The following LARGE1 variants were observed in gnomAD, a reference collection of about 807,000 sequenced individuals.
LARGE1 encodes xylosyl- and glucuronyltransferase LARGE1.
Under a neutral mutation model 87.6 loss-of-function variants are expected in LARGE1, and 43 were observed. The ratio of observed to expected loss-of-function variants is 0.49; its 90% CI spans 0.38 to 0.63. The LOEUF is 0.63. Among genes scored for constraint, LARGE1 ranks in the 30% least tolerant of loss-of-function variants. The pLI, the probability that LARGE1 is intolerant of heterozygous loss-of-function variation, is 0.00. For synonymous variants in LARGE1, 434 were observed against 394.6 expected (o/e 1.10, Z -1.18); for missense variants, 802 against 1,000.2 (o/e 0.80, Z 2.67).
At chr22:33,477,550 G>A (rs550734979) in intron 6 of LARGE1, among the ~76,000 whole-genome samples, 1 of 152,010 alleles carries the variant, frequency 6.6e-6, no homozygotes, top group African/African-American at 2.4e-5. Flanking sequence ...TAGTAAAAGC[G>A]TTCAGAATAC....
intron 7 of LARGE1, among the ~76,000 whole-genome samples, chr22:33,402,435 T>C (rs879669430): frequency 6.6e-6 from 1 of 152,096 alleles, no homozygotes; most frequent in Non-Finnish European, 1.5e-5. Context: ...TCTGACTAAT[T>C]TGGGAATGAC....
At chr22:33,792,150 T>A (rs1288072020) in intron 1 of LARGE1, among the ~76,000 whole-genome samples, 9 of 152,098 alleles carry the variant, frequency 5.9e-5, no homozygotes, top group Non-Finnish European at 2.9e-5. Context: ...ATTATACTTG[T>A]TAGGAGGTGA....
chr22:33,138,826 G>T, the LARGE1 span, among the ~76,000 whole-genome samples: 1 of 152,104 alleles, frequency 6.6e-6, no homozygotes, highest in African/African-American at 2.4e-5. Context: ...GTTTTGAAAC[G>T]TGAGGACATG....
intron 12 of LARGE1, among the ~76,000 whole-genome samples, chr22:33,298,370 G>A (rs1284264165): frequency 6.6e-6 from 1 of 152,202 alleles, no homozygotes; most frequent in African/African-American, 2.4e-5. Context: ...AGAATGTTTC[G>A]GGCATTCCTG....
chr22:33,606,340 G>T (rs1460691482), intron 4 of LARGE1, among the ~76,000 whole-genome samples: 1 of 151,930 alleles, frequency 6.6e-6, no homozygotes, highest in Non-Finnish European at 1.5e-5. Context: ...GGGTGGTGGA[G>T]GTTGCAGTGA....
chr22:33,739,901 G>A (rs762225505), intron 2 of LARGE1, among the ~76,000 whole-genome samples: 2 of 152,172 alleles, frequency 1.3e-5, no homozygotes, highest in Admixed American at 6.5e-5. Context: ...GTACAGAAGC[G>A]GAGAAGGACC....
At chr22:33,501,824 A>G (rs1352687412) in intron 6 of LARGE1, among the ~76,000 whole-genome samples, 1 of 152,196 alleles carries the variant, frequency 6.6e-6, no homozygotes, top group Non-Finnish European at 1.5e-5. Flanking sequence ...CTACACAGTC[A>G]TGCAAATGCA....
intron 6 of LARGE1, among the ~76,000 whole-genome samples, chr22:33,459,801 C>T (rs2068298203): frequency 6.6e-6 from 1 of 151,700 alleles, no homozygotes; most frequent in Admixed American, 6.6e-5. Flanking sequence ...GGCTCTGAGC[C>T]TAGGCAATTT....
intron 9 of LARGE1, among the ~76,000 whole-genome samples, chr22:33,363,139 G>C (rs745737385): frequency 1.3e-5 from 2 of 150,080 alleles, no homozygotes; most frequent in Non-Finnish European, 3.0e-5. Flanking sequence ...CAGAGTGTGA[G>C]CTGAGGGAGA....
chr22:33,248,690 G>A (rs1347444922), intron 11 of LARGE1, among the ~76,000 whole-genome samples: 3 of 152,106 alleles, frequency 2.0e-5, no homozygotes, highest in Non-Finnish European at 4.4e-5. Context: ...TATTTCCACT[G>A]CTCTAAAATT....
Position 33,650,377 on chromosome 22 carries a change from T to G in LARGE1, c.398A>C (p.Glu133Ala). Residue 133 changes from glutamate (E) to alanine (A), a missense_variant, in exon 3 of 15, where the codon GAG becomes GCG. Physicochemically the swap from Glu to Ala is moderately radical, Grantham distance 107 (BLOSUM62 -1). Around this residue, in one of 2 missense-constraint regions of LARGE1, gnomAD observed 625 missense variants for 841.9 expected, o/e 0.74. Coordinates refer to ENST00000397394, the MANE Select transcript of LARGE1 (RefSeq NM_133642.5). ...CCAGATGCCCTTTACCTCGCATTTC[T>G]CCACGACCGGCTGCTGCCCACACTC... ...SSECGQQPVV[E>A]KCETIHVAIV... The G allele has an allele frequency of 6.2e-7, 1 of 1,614,122 alleles. No homozygotes were observed. The highest frequency in any genetic ancestry group is 1.1e-5 in the South Asian group (1 of 91,084).
At position 33,538,224 on chromosome 22, in the gene LARGE1, A is replaced by G. The variant is rs535645087; in HGVS notation, c.787+26624T>C. Among the ~76,000 whole-genome samples, 6 of 152,250 alleles carry G rather than the reference A, an allele frequency of 3.9e-5. No homozygotes were observed. The East Asian group carries it at 1.2e-3, about 29-fold the overall frequency. Reference sequence around the variant, plus strand: ...CTTCCCCTCAACCTCACCTACCCCAAGTGGAAGTAACTCTCCTTCAACTAT... The same window carrying G: ...CTTCCCCTCAACCTCACCTACCCCAGGTGGAAGTAACTCTCCTTCAACTAT... On this transcript the variant is annotated intron_variant, in intron 6 of 14. Coordinates refer to ENST00000397394, the MANE Select transcript of LARGE1 (RefSeq NM_133642.5).
At chr22:33,450,278 T>C (rs754578501) in intron 6 of LARGE1, among the ~76,000 whole-genome samples, 72 of 152,128 alleles carry the variant, frequency 4.7e-4, no homozygotes, top group East Asian at 1.9e-3. Flanking sequence ...TGCAAGGGCC[T>C]GTAGGATATT....
chr22:33,210,470 C>G (rs1924905361), intron 11 of LARGE1, among the ~76,000 whole-genome samples: 1 of 152,232 alleles, frequency 6.6e-6, no homozygotes, highest in African/African-American at 2.4e-5. Flanking sequence ...TGACGATGCT[C>G]TAGGAGCCCT....
intron 2 of LARGE1, among the ~76,000 whole-genome samples, chr22:33,752,237 T>C (rs2084345416): frequency 6.6e-6 from 1 of 152,156 alleles, no homozygotes; most frequent in Non-Finnish European, 1.5e-5. Flanking sequence ...TAAGGGATCA[T>C]GGGGTATGCT....
the LARGE1 span, among the ~76,000 whole-genome samples, chr22:33,126,129 G>A: frequency 6.6e-6 from 1 of 152,222 alleles, no homozygotes; most frequent in Admixed American, 6.5e-5. Flanking sequence ...TATATGAAGA[G>A]CTGTTATATA....
intron 6 of LARGE1, among the ~76,000 whole-genome samples, chr22:33,543,639 CAG>C (rs2077273941): frequency 6.6e-6 from 1 of 152,216 alleles, no homozygotes; most frequent in Admixed American, 6.5e-5. Context: ...TCGCAAGTGA[CAG>C]AGACTTTACT....
chr22:33,200,414 C>A (rs1234175680), intron 11 of LARGE1, among the ~76,000 whole-genome samples: 1 of 152,126 alleles, frequency 6.6e-6, no homozygotes, highest in African/African-American at 2.4e-5. Context: ...GGGGCAGCCA[C>A]TTTGGAAACT....
upstream of LARGE1, among the ~76,000 whole-genome samples, chr22:33,921,073 G>T (rs1432620410): frequency 3.3e-5 from 5 of 150,450 alleles, no homozygotes; most frequent in East Asian, 5.9e-4. The surrounding 1 kb of genome is among the most constrained non-coding windows in gnomAD (Gnocchi z 4.1). Flanking sequence ...TTCCGAGCGG[G>T]GGCGGGGCCG....
Sources: gnomAD v4.1 joint callset for allele counts (sites outside exome capture counted in the v4.1 genomes callset) on GRCh38, gnomAD v4.1.1 for gene constraint, gnomAD v4.1.1 regional missense constraint, Gnocchi (gnomAD v3.1) non-coding constraint, MANE v1.5 for transcripts, NCBI Gene and HGNC (gene_info 2026-07-23, HGNC 2026-07-21) for gene names.